AKAP9: variants seen among roughly 807,000 people sequenced by gnomAD.
AKAP9 encodes the protein A-kinase anchor protein 9.
Under a neutral mutation model 488.5 loss-of-function variants are expected in AKAP9, and 311 were observed. That is an observed-to-expected ratio of 0.64 (90% confidence interval 0.58 to 0.70). AKAP9 has a LOEUF of 0.70. Ranked by LOEUF, AKAP9 falls within the 30% of genes least tolerant of loss-of-function variation. The pLI is 0.00. For missense variants in AKAP9, 4,215 were observed against 4,374.5 expected, an observed-to-expected ratio of 0.96 and a Z score of 1.03; for synonymous variants, 1,462 against 1,483.5, an observed-to-expected ratio of 0.99 and a Z score of 0.33.
At chr7:92,027,844 A>G (rs1411341878) in intron 14 of AKAP9, among the ~76,000 whole-genome samples, 2 of 152,240 alleles carry the variant, frequency 1.3e-5, no homozygotes, top group Admixed American at 6.5e-5. Flanking sequence ...GGTTTTGTTG[A>G]AAAGAAAAGG....
chr7:92,089,441 G>C lies in AKAP9; in HGVS notation c.9270G>C (p.Leu3090Phe). The stretch of plus-strand genomic sequence containing the variant: ...TCCAGAAAGCAGATAGAAGGAGTTT[G>C]TTATCTGAAATTCAGGCACTGCATG... ...ECLQKADRRS[L>F]LSEIQALHAQ... Residue 3090 changes from leucine to phenylalanine, a missense_variant, in exon 38 of 50, where the codon TTG becomes TTC. Around this residue, in one of 5 missense-constraint regions of AKAP9, gnomAD observed 1,476 missense variants for 1,477.4 expected, o/e 1.00. Coordinates refer to ENST00000356239, the MANE Select transcript of AKAP9 (RefSeq NM_005751.5). 1 of 1,612,484 alleles carries C rather than the reference G, an allele frequency of 6.2e-7. No individual in the cohort carries two copies. Among genetic ancestry groups the C allele is most frequent in the Non-Finnish European group, 8.5e-7 (1 of 1,179,566 alleles).
At chr7:92,061,475 A>G in intron 23 of AKAP9, 53 bp downstream of exon 23, 24 of 1,601,770 alleles carry the variant, frequency 1.5e-5, no homozygotes, top group South Asian at 1.0e-4. Context: ...GTCTTAAAAT[A>G]GAGATTTTTG....
At chr7:92,081,492 TATATA>T (rs1187574791) in intron 31 of AKAP9, among the ~76,000 whole-genome samples, 1 of 118,764 alleles carries the variant, frequency 8.4e-6, no homozygotes, top group African/African-American at 3.8e-5. Flanking sequence ...TATATATATA[TATATA>T]TTTTTTTTTT....
At chr7:91,980,495 C>CTTTTTTTTTTTTTTTTCTTTTT (rs1796261817) in intron 3 of AKAP9, among the ~76,000 whole-genome samples, 162 bp downstream of exon 3, 1 of 48,756 alleles carries the variant, frequency 2.1e-5, no homozygotes, top group Non-Finnish European at 3.3e-5. Context: ...GTATTACTGA[C>CTTTTTTTTTTTTTTTTCTTTTT]TTTTTTTTTT....
chr7:92,022,308 A>G lies in AKAP9; in HGVS notation c.3908A>G (p.Glu1303Gly). The change falls in exon 13 of 50, where the codon GAG (glutamate) becomes GGG (glycine). Residue 1303 changes from glutamate to glycine, a missense_variant. Glu to Gly is a moderately conservative substitution (Grantham distance 98). Transcript: ENST00000356239. ...GAAAACCTTCCAAAAGAGGAAACAG[A>G]GTTTTTATCAATCCATTCTCAGATG... ...GEENLPKEETEFLSIHSQMTN... is the reference protein window; with the variant it reads ...GEENLPKEETGFLSIHSQMTN... The G allele has an allele frequency of 6.2e-7, 1 of 1,613,594 alleles. No individual in the cohort carries two copies. Among genetic ancestry groups the G allele is most frequent in the Non-Finnish European group, 8.5e-7 (1 of 1,179,622 alleles).
intron 1 of AKAP9, among the ~76,000 whole-genome samples, chr7:91,971,001 C>T (rs1178935923): frequency 1.3e-5 from 2 of 151,128 alleles, no homozygotes; most frequent in African/African-American, 4.9e-5. Flanking sequence ...GACATGGTAC[C>T]AAAAAAAAGA....
chr7:92,082,760 TA>T (rs1391790948), intron 32 of AKAP9, 98 bp downstream of exon 32: 2 of 1,329,120 alleles, frequency 1.5e-6, no homozygotes, highest in African/African-American at 3.0e-5. Context: ...CTCCATAACT[TA>T]AAAGCTAGAT....
At chr7:92,099,634 A>G in intron 43 of AKAP9, 53 bp from the exon 44 acceptor site, 1 of 1,558,936 alleles carries the variant, frequency 6.4e-7, no homozygotes, top group Non-Finnish European at 8.8e-7. Flanking sequence ...CTTTATATGC[A>G]TTATTCACAT....
At chr7:92,104,675 A>C (rs983008718) in intron 46 of AKAP9, among the ~76,000 whole-genome samples, 3 of 152,180 alleles carry the variant, frequency 2.0e-5, no homozygotes, top group Non-Finnish European at 4.4e-5. Context: ...AAACAGGAGC[A>C]CAAGTTTTAT....
intron 45 of AKAP9, among the ~76,000 whole-genome samples, chr7:92,102,087 C>T (rs1817594096): frequency 6.6e-6 from 1 of 151,174 alleles, no homozygotes; most frequent in Non-Finnish European, 1.5e-5. Context: ...ATCTGGGAGA[C>T]GGAGGTTGCA....
chr7:91,994,704 A>G lies in AKAP9; in HGVS notation c.660A>G (p.Glu220=), dbSNP rs1354430369. The G allele has an allele frequency of 6.2e-7, 1 of 1,613,460 alleles. No homozygotes were observed. Among genetic ancestry groups the G allele is most frequent in the Admixed American group, 1.7e-5 (1 of 60,006 alleles). The part of the protein sequence containing the change: ...LTANLQQARR[E]KDETMREFLE... Reference sequence around the variant, plus strand: ...CTAATTTACAACAAGCAAGAAGAGAAAAGGATGAGACAATGAGAGAATTTT... The same window carrying G: ...CTAATTTACAACAAGCAAGAAGAGAGAAGGATGAGACAATGAGAGAATTTT... Residue 220 remains glutamate, a synonymous_variant, in exon 6 of 50, where the codon GAA becomes GAG. Coordinates refer to ENST00000356239, the MANE Select transcript of AKAP9 (RefSeq NM_005751.5).
intron 21 of AKAP9, among the ~76,000 whole-genome samples, chr7:92,051,588 T>C (rs1807987403): frequency 6.6e-6 from 1 of 152,222 alleles, no homozygotes; most frequent in Admixed American, 6.5e-5. Context: ...TTAGTGAATA[T>C]TGAATTGTGC....
At chr7:92,022,453 A>G (rs1802454912) in intron 13 of AKAP9, 101 bp downstream of exon 13, 3 of 816,184 alleles carry the variant, frequency 3.7e-6, no homozygotes, top group East Asian at 5.0e-5. Flanking sequence ...GACCTTTGGC[A>G]TTTCACTGTA....
intron 1 of AKAP9, among the ~76,000 whole-genome samples, chr7:91,964,277 A>G (rs770415390): frequency 4.6e-5 from 7 of 152,186 alleles, no homozygotes; most frequent in African/African-American, 1.4e-4. Context: ...AGAAGTGTAC[A>G]TTATTTTTTT....
intron 12 of AKAP9, among the ~76,000 whole-genome samples, chr7:92,019,035 A>G (rs1014187294): frequency 6.6e-6 from 1 of 152,222 alleles, no homozygotes; most frequent in South Asian, 2.1e-4. Context: ...CTGGTCTTCT[A>G]CCATACTGAA....
intron 7 of AKAP9, among the ~76,000 whole-genome samples, chr7:92,000,638 C>T (rs1166431528): frequency 1.3e-5 from 2 of 152,162 alleles, no homozygotes; most frequent in African/African-American, 4.8e-5. Flanking sequence ...AAGGCCAAAA[C>T]TACTGTAGTG....
At chr7:91,980,434 CT>C (rs1796244450) in intron 3 of AKAP9, 101 bp downstream of exon 3, 1 of 290,634 alleles carries the variant, frequency 3.4e-6, no homozygotes, top group Non-Finnish European at 5.7e-6. Context: ...ACTCATGCTT[CT>C]ATTTTATTTT....
At position 92,042,154 on chromosome 7, in the gene AKAP9, T is replaced by C. The variant is rs1325512883; in HGVS notation, c.5026T>C (p.Cys1676Arg). ...TTTAGCTGGAAGAGAGAAGCTGTGT[T>C]GTGAGCTGCGCAACAGCAGTACGCA... ...LSLAGREKLC[C>R]ELRNSSTQTQ... The change falls in exon 19 of 50, where the codon TGT becomes CGT. Residue 1676 changes from cysteine (C) to arginine (R), a missense_variant. This residue lies in a region of AKAP9 where 2,361 missense variants were observed against 2,430.0 expected (regional missense o/e 0.97). Coordinates refer to ENST00000356239, the MANE Select transcript of AKAP9 (RefSeq NM_005751.5). 1 of 1,613,980 alleles carries C rather than the reference T, an allele frequency of 6.2e-7. No homozygotes were observed. The highest frequency in any genetic ancestry group is 1.1e-5 in the South Asian group (1 of 91,082).
At chr7:92,026,861 G>A (rs1220171773) in intron 14 of AKAP9, among the ~76,000 whole-genome samples, 20 of 149,114 alleles carry the variant, frequency 1.3e-4, no homozygotes, top group South Asian at 6.4e-4. Flanking sequence ...GCCTCTGCCC[G>A]GCCGCCACGC....
Sources: allele counts gnomAD v4.1 joint callset (sites outside exome capture counted in the v4.1 genomes callset), GRCh38; gene constraint gnomAD v4.1.1; regional missense constraint gnomAD v4.1.1; transcripts MANE v1.5; gene names NCBI Gene and HGNC (gene_info 2026-07-23, HGNC 2026-07-21).